The following TSC22D1 variants were observed in gnomAD, a reference collection of about 807,000 sequenced individuals.
TSC22D1 encodes TSC22 domain family member 1, also known as TSC22 domain family protein 1.
TSC22D1 carries 9 observed loss-of-function variants against 74.2 expected under a neutral mutation model. The ratio of observed to expected loss-of-function variants is 0.12; its 90% CI spans 0.07 to 0.21. The LOEUF (loss-of-function observed/expected upper bound fraction) is 0.21, where lower values mean the gene tolerates loss of function less well. TSC22D1 is among the 10% of genes least tolerant of loss of function. The probability of loss-of-function intolerance (pLI) is 1.00; values close to 1 mark genes in which losing one functional copy is unlikely to be tolerated. For synonymous variants in TSC22D1, 586 were observed against 492.5 expected, an observed-to-expected ratio of 1.19 and a Z score of -2.51; for missense variants, 1,427 against 1,304.7, an observed-to-expected ratio of 1.09 and a Z score of -1.44.
intron 1 of TSC22D1, among the ~76,000 whole-genome samples, chr13:44,534,359 C>CT (rs1881028135): frequency 8.4e-6 from 1 of 119,400 alleles, no homozygotes; most frequent in African/African-American, 3.4e-5. Context: ...GAGACCCCGT[C>CT]TTAAAAAAAA....
intron 1 of TSC22D1, among the ~76,000 whole-genome samples, chr13:44,532,616 G>A (rs1268091433): frequency 6.6e-6 from 1 of 152,022 alleles, no homozygotes; most frequent in Non-Finnish European, 1.5e-5. Context: ...TGGGACTATA[G>A]GCGCACGCCA....
At chr13:44,445,771 A>T (rs1875586559) in intron 1 of TSC22D1, among the ~76,000 whole-genome samples, 1 of 152,210 alleles carries the variant, frequency 6.6e-6, no homozygotes, top group Non-Finnish European at 1.5e-5. Context: ...CCTGGAAAAA[A>T]TGCTGAATGC....
At chr13:44,477,062 C>A (rs931494599) in intron 1 of TSC22D1, among the ~76,000 whole-genome samples, 3 of 152,110 alleles carry the variant, frequency 2.0e-5, no homozygotes, top group Non-Finnish European at 4.4e-5. Flanking sequence ...CTAACTGCAA[C>A]CTCCACCTCC....
At position 44,576,162 on chromosome 13, in the gene TSC22D1, G is replaced by C. The variant is rs951016723; in HGVS notation, c.-88C>G. The stretch of plus-strand genomic sequence containing the variant: ...TATTGGAGACGCCGGAGAGGAAAAC[G>C]GGACCTGACGCTCCGCCTGGCGCGA... On this transcript the variant is annotated 5_prime_UTR_variant, in exon 1 of 3. Transcript: ENST00000458659. 5.8e-6 allele frequency: 8 copies of C among 1,376,654 alleles called. No individual in the cohort carries two copies. The highest frequency in any genetic ancestry group is 2.7e-5 in the East Asian group (1 of 36,942). 85.3% of individuals were successfully genotyped at this position (1,376,654 alleles called of 1,614,324 possible). A position where few individuals can be genotyped will look rare whatever the true frequency, so the allele number is the denominator to read the frequency against.
intron 1 of TSC22D1, among the ~76,000 whole-genome samples, chr13:44,547,350 A>G (rs577876322): frequency 6.6e-6 from 1 of 152,312 alleles, no homozygotes; most frequent in South Asian, 2.1e-4. Context: ...TTTGGTAAAC[A>G]GTTCTCTAGA....
chr13:44,441,971 T>C (rs901556650), intron 1 of TSC22D1, among the ~76,000 whole-genome samples: 4 of 151,990 alleles, frequency 2.6e-5, no homozygotes, highest in African/African-American at 9.7e-5. Flanking sequence ...CCAGTTGGTA[T>C]TACCACCCAC....
intron 1 of TSC22D1, among the ~76,000 whole-genome samples, chr13:44,454,239 G>A (rs576982034): frequency 1.3e-5 from 2 of 152,276 alleles, no homozygotes; most frequent in South Asian, 4.1e-4. Context: ...TATGTTATAT[G>A]AAGAGATTTT....
intron 1 of TSC22D1, among the ~76,000 whole-genome samples, chr13:44,499,695 C>T (rs1037199062): frequency 6.6e-6 from 1 of 152,166 alleles, no homozygotes; most frequent in Non-Finnish European, 1.5e-5. Context: ...CTCAATGCCA[C>T]CAATTCTTGT....
chr13:44,558,218 GA>G (rs1191242990), intron 1 of TSC22D1, among the ~76,000 whole-genome samples: 1 of 152,196 alleles, frequency 6.6e-6, no homozygotes, highest in African/African-American at 2.4e-5. Context: ...GTTTTGGAAT[GA>G]AATCACCTAA....
chr13:44,439,770 A>C (rs1226802744), intron 1 of TSC22D1, among the ~76,000 whole-genome samples: 1 of 152,254 alleles, frequency 6.6e-6, no homozygotes, highest in Admixed American at 6.5e-5. Context: ...TTCCAATTCA[A>C]CTGCTACTGC....
chr13:44,576,740 C>A (rs1372574222), upstream of TSC22D1, among the ~76,000 whole-genome samples: 1 of 151,300 alleles, frequency 6.6e-6, no homozygotes, highest in Non-Finnish European at 1.5e-5. Context: ...CGGCTGCGAG[C>A]GGGGCGGCGG....
At chr13:44,554,516 CTT>C (rs1238156545) in intron 1 of TSC22D1, among the ~76,000 whole-genome samples, 2 of 147,904 alleles carry the variant, frequency 1.4e-5, no homozygotes, top group Non-Finnish European at 3.0e-5. Context: ...AAAACCATGT[CTT>C]TTTTTTTCTT....
rs374303711 is a variant in TSC22D1, at chr13:44,434,612, G to T, written c.*14C>A. ...GTTCACACGCAGCAGCCAGTTCTGC[G>T]GGGGCATAGGCAGCTATGCGGTTGG... On this transcript the variant is annotated 3_prime_UTR_variant, in exon 3 of 3. Coordinates refer to ENST00000458659, the MANE Select transcript of TSC22D1 (RefSeq NM_183422.4). 6.6e-6 allele frequency: 10 copies of T among 1,513,664 alleles called. No homozygotes were observed. In the African/African-American group the frequency reaches 1.4e-4, roughly 21 times the overall value. The allele number at this position is 1,513,664 out of a possible 1,614,324, so 93.8% of individuals were successfully genotyped here.
At chr13:44,451,457 A>G (rs1012060177) in intron 1 of TSC22D1, 15 of 151,748 alleles carry the variant, frequency 9.9e-5, no homozygotes, top group African/African-American at 3.6e-4. Flanking sequence ...TGATTCTGAC[A>G]TGAGAGTCAA....
intron 1 of TSC22D1, among the ~76,000 whole-genome samples, chr13:44,559,610 G>A (rs761420162): frequency 7.3e-5 from 11 of 151,426 alleles, no homozygotes; most frequent in Non-Finnish European, 1.3e-4. Flanking sequence ...CTGCAGCCTC[G>A]AACTCCTGGG....
chr13:44,506,602 A>G (rs1879460409), intron 1 of TSC22D1, among the ~76,000 whole-genome samples: 1 of 152,182 alleles, frequency 6.6e-6, no homozygotes, highest in South Asian at 2.1e-4. Context: ...AAACCTACAC[A>G]TCCTGCACAT....
chr13:44,565,794 G>A (rs1274262647), intron 1 of TSC22D1, among the ~76,000 whole-genome samples: 1 of 152,152 alleles, frequency 6.6e-6, no homozygotes, highest in Non-Finnish European at 1.5e-5. Context: ...CTGAGCTCAA[G>A]TGATCCTCCT....
At chr13:44,438,076 C>T (rs955212153) in intron 1 of TSC22D1, among the ~76,000 whole-genome samples, 2 of 152,194 alleles carry the variant, frequency 1.3e-5, no homozygotes, top group African/African-American at 2.4e-5. Flanking sequence ...ATTTAATATA[C>T]TAGAAATCTA....
chr13:44,538,999 T>C (rs1201602810), intron 1 of TSC22D1: 3 of 985,380 alleles, frequency 3.0e-6, no homozygotes, highest in Non-Finnish European at 3.6e-6. Context: ...CAAGTTCACA[T>C]TCTACCCATT....
Sources: gnomAD v4.1 joint callset for allele counts (sites outside exome capture counted in the v4.1 genomes callset) on GRCh38, gnomAD v4.1.1 for gene constraint, MANE v1.5 for transcripts, NCBI Gene and HGNC (gene_info 2026-07-23, HGNC 2026-07-21) for gene names.